Variants in ITPR2 observed in about 807,000 individuals in gnomAD.
ITPR2 encodes the protein inositol 1,4,5-trisphosphate-gated calcium channel ITPR2.
In ITPR2, 207 loss-of-function variants were observed where a neutral mutation model predicts 317.1. The ratio of observed to expected loss-of-function variants is 0.65; its 90% confidence interval spans 0.58 to 0.73. The LOEUF is 0.73. Ranked by LOEUF, ITPR2 falls within the 30% of genes least tolerant of loss-of-function variation. The pLI is 0.00. For synonymous variants in ITPR2, 1,156 were observed against 1,149.1 expected (o/e 1.01, Z -0.12); for missense variants, 2,613 against 3,284.0 (o/e 0.80, Z 4.99).
chr12:26,511,431 T>C (rs552557592), intron 37 of ITPR2, among the ~76,000 whole-genome samples: 8 of 152,360 alleles, frequency 5.3e-5, no homozygotes, highest in South Asian at 4.1e-4. Flanking sequence ...CCTGTCCAAC[T>C]ATTTGGTTGG....
At chr12:26,711,449 A>G (rs1345146661) in intron 8 of ITPR2, among the ~76,000 whole-genome samples, 181 bp from the exon 9 acceptor site, 2 of 152,246 alleles carry the variant, frequency 1.3e-5, no homozygotes, top group Non-Finnish European at 2.9e-5. Context: ...GAGAAATGTT[A>G]TAACAGTTGT....
intron 55 of ITPR2, among the ~76,000 whole-genome samples, chr12:26,381,559 T>C (rs1186459336): frequency 6.6e-6 from 1 of 152,264 alleles, no homozygotes; most frequent in Non-Finnish European, 1.5e-5. Flanking sequence ...ATTTTCTCTA[T>C]ACCTGATTAT....
At chr12:26,707,971 C>A (rs1432394684) in intron 9 of ITPR2, among the ~76,000 whole-genome samples, 1 of 151,794 alleles carries the variant, frequency 6.6e-6, no homozygotes, top group Non-Finnish European at 1.5e-5. Context: ...AGAAGACATA[C>A]AAATGGCAAA....
chr12:26,613,561 CAG>C (rs1429171068), intron 26 of ITPR2, among the ~76,000 whole-genome samples: 42 of 100,982 alleles, frequency 4.2e-4, no homozygotes, highest in African/African-American at 1.7e-3. Context: ...ATATCATACA[CAG>C]ACACACACAC....
chr12:26,513,088 G>A (rs1298574180), intron 37 of ITPR2, among the ~76,000 whole-genome samples: 9 of 151,930 alleles, frequency 5.9e-5, no homozygotes, highest in South Asian at 2.1e-4. Flanking sequence ...TGATCCACCC[G>A]CCTAGGCCTC....
At chr12:26,576,807 C>T (rs1234410949) in intron 34 of ITPR2, among the ~76,000 whole-genome samples, 1 of 152,272 alleles carries the variant, frequency 6.6e-6, no homozygotes, top group Admixed American at 6.5e-5. Context: ...GGTGCTATGG[C>T]TTTATTGTGT....
intron 1 of ITPR2, among the ~76,000 whole-genome samples, chr12:26,814,445 A>G (rs1006751878): frequency 5.3e-5 from 8 of 152,212 alleles, no homozygotes; most frequent in African/African-American, 1.9e-4. Flanking sequence ...ATTAAAAATA[A>G]AAATAAATTA....
At chr12:26,486,425 A>AAACAAACC in intron 40 of ITPR2, 65 bp from the exon 41 acceptor site, 2 of 1,337,066 alleles carry the variant, frequency 1.5e-6, no homozygotes, top group Non-Finnish European at 2.0e-6. Context: ...AAAAAAAAAA[A>AAACAAACC]ACAAACCAGG....
intron 1 of ITPR2, among the ~76,000 whole-genome samples, chr12:26,811,036 C>CAAAAAAAAAAAAAAAAAAA (rs79796097): frequency 1.8e-5 from 2 of 108,314 alleles, no homozygotes; most frequent in Non-Finnish European, 1.8e-5. Context: ...TTTTAAGTTA[C>CAAAAAAAAAAAAAAAAAAA]AAAAAAAAAA....
chr12:26,797,264 T>TA (rs955070826), intron 1 of ITPR2, among the ~76,000 whole-genome samples: 4 of 152,172 alleles, frequency 2.6e-5, no homozygotes, highest in Non-Finnish European at 1.5e-5. Flanking sequence ...ACATGGGGTA[T>TA]AAAAAATTAA....
chr12:26,559,858 C>A (rs1944765667), intron 35 of ITPR2, among the ~76,000 whole-genome samples: 1 of 152,174 alleles, frequency 6.6e-6, no homozygotes, highest in Non-Finnish European at 1.5e-5. Context: ...TATCTCAACA[C>A]AACTGTTACT....
At chr12:26,651,695 G>A (rs1947258431) in intron 21 of ITPR2, among the ~76,000 whole-genome samples, 2 of 152,188 alleles carry the variant, frequency 1.3e-5, no homozygotes, top group African/African-American at 4.8e-5. Context: ...TTCACATAGT[G>A]ATACCGATGA....
intron 51 of ITPR2, among the ~76,000 whole-genome samples, chr12:26,412,358 T>C (rs1337193667): frequency 6.6e-6 from 1 of 152,072 alleles, no homozygotes; most frequent in African/African-American, 2.4e-5. Context: ...CTGAGAGAGC[T>C]AGTGTCCTCC....
chr12:26,387,492 T>C lies in ITPR2; in HGVS notation c.7799A>G (p.Lys2600Arg). 1 of 1,613,884 alleles carries C rather than the reference T, an allele frequency of 6.2e-7. No homozygotes were observed. Among genetic ancestry groups the C allele is most frequent in the Non-Finnish European group, 8.5e-7 (1 of 1,179,862 alleles). Residue 2600 changes from lysine to arginine, a missense_variant, in exon 55 of 57, where the codon AAA becomes AGA. Lys to Arg is a conservative substitution (Grantham distance 26, BLOSUM62 2). This residue lies in a region of ITPR2 where 119 missense variants were observed against 144.3 expected (regional missense o/e 0.82). Transcript: ENST00000381340. The stretch of plus-strand genomic sequence containing the variant: ...AGTGTATTCTGTTGGGTCTTTAACT[T>C]TCACCAGGACTATGAAGTACAAATA... ...WHYLYFIVLVKVKDPTEYTGP... is the reference protein window; with the variant it reads ...WHYLYFIVLVRVKDPTEYTGP...
intron 45 of ITPR2, among the ~76,000 whole-genome samples, chr12:26,452,671 G>A (rs779386657): frequency 3.3e-5 from 5 of 152,140 alleles, no homozygotes; most frequent in Admixed American, 6.5e-5. Context: ...TCAAGGAACC[G>A]GATTTGGTAT....
chr12:26,482,454 A>C (rs938701164), intron 42 of ITPR2, among the ~76,000 whole-genome samples: 4 of 152,224 alleles, frequency 2.6e-5, no homozygotes, highest in Non-Finnish European at 5.9e-5. Flanking sequence ...GCTTTCCTGG[A>C]AACAGCAGAA....
intron 45 of ITPR2, among the ~76,000 whole-genome samples, chr12:26,449,625 G>A (rs1941692172): frequency 6.6e-6 from 1 of 152,168 alleles, no homozygotes; most frequent in Non-Finnish European, 1.5e-5. Flanking sequence ...CATGTAAGAA[G>A]TGCATCTGAT....
intron 37 of ITPR2, among the ~76,000 whole-genome samples, chr12:26,531,418 G>A (rs1943939818): frequency 6.6e-6 from 1 of 152,188 alleles, no homozygotes; most frequent in South Asian, 2.1e-4. Context: ...ACGAATTGTA[G>A]AGAAATTCAG....
chr12:26,400,784 G>A (rs1387462995), intron 52 of ITPR2: 2 of 152,286 alleles, frequency 1.3e-5, no homozygotes, highest in Non-Finnish European at 2.9e-5. Flanking sequence ...AGGACTGCAG[G>A]GGAGAGAGCG....
Sources: gnomAD v4.1 joint callset for allele counts (sites outside exome capture counted in the v4.1 genomes callset) on GRCh38, gnomAD v4.1.1 for gene constraint, gnomAD v4.1.1 regional missense constraint, MANE v1.5 for transcripts, NCBI Gene and HGNC (gene_info 2026-07-23, HGNC 2026-07-21) for gene names.